Variants in PSMB5 observed in about 807,000 individuals in gnomAD.
PSMB5 encodes proteasome 20S subunit beta 5.
In PSMB5, 2 loss-of-function variants were observed where a neutral mutation model predicts 22.8. That is an observed-to-expected ratio of 0.09 (90% CI 0.04 to 0.28). The LOEUF is 0.28. Ranked by LOEUF, PSMB5 falls within the 10% of genes least tolerant of loss-of-function variation. The pLI is 1.00. For synonymous variants in PSMB5, 133 were observed against 135.3 expected, an observed-to-expected ratio of 0.98 and a Z score of 0.12; for missense variants, 269 against 343.8, an observed-to-expected ratio of 0.78 and a Z score of 1.72.
At chr14:23,029,787 ATT>A (rs1315280801) in intron 2 of PSMB5, among the ~76,000 whole-genome samples, 1 of 140,000 alleles carries the variant, frequency 7.1e-6, no homozygotes. Flanking sequence ...CTAATTTTGT[ATT>A]TTTTTTTTTT....
intron 2 of PSMB5, among the ~76,000 whole-genome samples, chr14:23,029,927 G>A (rs984947091): frequency 2.0e-5 from 3 of 151,982 alleles, no homozygotes; most frequent in African/African-American, 4.8e-5. Context: ...GACTACAGGC[G>A]ACCACCACCA....
rs1406958895 is a variant in PSMB5 at position 23,033,631 on chromosome 14, G to C, written c.242C>G (p.Ala81Gly). 1.2e-6 allele frequency: 2 copies of C among 1,612,922 alleles called. No individual in the cohort carries two copies. Among genetic ancestry groups the C allele is most frequent in the Non-Finnish European group, 8.5e-7 (1 of 1,179,070 alleles). Residue 81 changes from alanine (A) to glycine (G), a missense_variant, in exon 2 of 3, where the codon GCG becomes GGG. By Grantham distance (60) the Ala-to-Gly change is moderately conservative (BLOSUM62 0). Coordinates refer to ENST00000361611, the MANE Select transcript of PSMB5 (RefSeq NM_002797.5). ...CGTCTGGGAGGCAATGTAAGCACCC[G>C]CTGTAGCCCTGGAGTCAGCTGCAAC... ...VIVAADSRAT[A>G]GAYIASQTVK...
intron 2 of PSMB5, among the ~76,000 whole-genome samples, chr14:23,031,205 C>CTCT (rs2046950548): frequency 6.6e-6 from 1 of 152,184 alleles, no homozygotes; most frequent in Non-Finnish European, 1.5e-5. Flanking sequence ...GGTCCCTGTA[C>CTCT]TCTTTTACAC....
chr14:23,029,831 G>T (rs1307860503), intron 2 of PSMB5, among the ~76,000 whole-genome samples: 2 of 151,706 alleles, frequency 1.3e-5, no homozygotes, highest in Non-Finnish European at 2.9e-5. Flanking sequence ...GCCCAGTCTG[G>T]AGTGCAGTGG....
intron 2 of PSMB5, among the ~76,000 whole-genome samples, chr14:23,026,928 C>T (rs1034543333): frequency 1.1e-4 from 17 of 149,090 alleles, no homozygotes; most frequent in Non-Finnish European, 1.8e-4. Flanking sequence ...ACTAAAAATA[C>T]AAAATTTGCC....
At chr14:23,032,063 G>A (rs542936834) in intron 2 of PSMB5, among the ~76,000 whole-genome samples, 114 of 151,796 alleles carry the variant, frequency 7.5e-4, no homozygotes, top group African/African-American at 2.5e-3. Context: ...CACTCCAGTC[G>A]GGGCGACAGA....
intron 2 of PSMB5, among the ~76,000 whole-genome samples, chr14:23,027,068 G>A (rs1195480969): frequency 7.7e-6 from 1 of 129,088 alleles, no homozygotes; most frequent in African/African-American, 2.9e-5. Flanking sequence ...GGCAACAAGA[G>A]TGAAACGCTG....
chr14:23,034,502 A>T, intron 1 of PSMB5, 182 bp downstream of exon 1: 1 of 707,986 alleles, frequency 1.4e-6, no homozygotes, highest in Non-Finnish European at 2.3e-6. Context: ...ACCCTTTCCA[A>T]CCAGAGCAAA....
At chr14:23,034,069 G>A (rs1249862933) in intron 1 of PSMB5, among the ~76,000 whole-genome samples, 1 of 151,376 alleles carries the variant, frequency 6.6e-6, no homozygotes, top group Non-Finnish European at 1.5e-5. Context: ...TACTCTGGAG[G>A]CTGAGGCGCT....
chr14:23,026,326 G>C lies in PSMB5; in HGVS notation c.555C>G (p.Phe185Leu), dbSNP rs779779692. Residue 185 changes from phenylalanine to leucine, a missense_variant, in exon 3 of 3, where the codon TTC becomes TTG. Transcript: ENST00000361611. ...CATACACAGAGCCAGAACCTACAGA[G>C]AAGGTGGCCCCTGAAATCCGGTTCC... ...SEGNRISGAT[F>L]SVGSGSVYAY... 3.7e-6 allele frequency: 6 copies of C among 1,614,108 alleles called. No homozygotes were observed. Among genetic ancestry groups the C allele is most frequent in the East Asian group, 2.2e-5 (1 of 44,882 alleles).
chr14:23,034,516 AGGG>A, intron 1 of PSMB5, 165 bp downstream of exon 1: 2 of 759,556 alleles, frequency 2.6e-6, no homozygotes, highest in Non-Finnish European at 2.1e-6. Flanking sequence ...GAGCAAAGAC[AGGG>A]GCCTCCTGGG....
intron 1 of PSMB5, among the ~76,000 whole-genome samples, chr14:23,034,125 CAA>C (rs56294105): frequency 2.0e-4 from 19 of 93,508 alleles, no homozygotes; most frequent in Non-Finnish European, 2.4e-4. Context: ...AGCCCTGTTT[CAA>C]AAAAAAAAAA....
At chr14:23,032,470 C>G (rs1195744321) in intron 2 of PSMB5, among the ~76,000 whole-genome samples, 2 of 152,044 alleles carry the variant, frequency 1.3e-5, no homozygotes, top group Admixed American at 6.6e-5. Context: ...AAGAAAAAAA[C>G]AGAAGAGAAA....
At chr14:23,030,023 C>T (rs1303093576) in intron 2 of PSMB5, among the ~76,000 whole-genome samples, 17 of 151,824 alleles carry the variant, frequency 1.1e-4, no homozygotes, top group African/African-American at 3.9e-4. Flanking sequence ...CCTCGTGATC[C>T]GCCCGCCTCG....
chr14:23,027,793 C>A, intron 2 of PSMB5: 1 of 1,548,398 alleles, frequency 6.5e-7, no homozygotes, highest in Middle Eastern at 1.7e-4. Flanking sequence ...CAAGTACATT[C>A]CAAATGACTT....
intron 2 of PSMB5, 148 bp downstream of exon 2, chr14:23,033,220 A>T: frequency 1.2e-6 from 1 of 869,140 alleles, no homozygotes; most frequent in Non-Finnish European, 1.7e-6. Flanking sequence ...GTCTAAAAAA[A>T]CAGGAAAAAA....
In PSMB5 at chr14:23,033,517, G is replaced by C. The variant is rs1317184637; in HGVS notation, c.356C>G (p.Ala119Gly). Reference sequence around the variant, plus strand: ...AAGCTCATAGATTCGACATTGCCGAGCCAACAGCCGTTCCCAGAAGCTGCA... The same window carrying C: ...AAGCTCATAGATTCGACATTGCCGACCCAACAGCCGTTCCCAGAAGCTGCA... Reference protein sequence around the residue: ...ADCSFWERLLARQCRIYELRN... With the variant: ...ADCSFWERLLGRQCRIYELRN... The change falls in exon 2 of 3, where the codon GCT becomes GGT. Residue 119 changes from alanine to glycine, a missense_variant. Around this residue, in one of 3 missense-constraint regions of PSMB5, gnomAD observed 75 missense variants for 143.2 expected, o/e 0.52. Transcript: ENST00000361611. 1.2e-6 allele frequency: 2 copies of C among 1,613,982 alleles called. No individual in the cohort carries two copies. Among genetic ancestry groups the C allele is most frequent in the African/African-American group, 2.7e-5 (2 of 74,888 alleles).
intron 2 of PSMB5, among the ~76,000 whole-genome samples, chr14:23,029,453 A>C (rs1360017634): frequency 6.6e-6 from 1 of 152,154 alleles, no homozygotes; most frequent in Non-Finnish European, 1.5e-5. Flanking sequence ...AACCACCACC[A>C]ATCCATGAAG....
intron 2 of PSMB5, among the ~76,000 whole-genome samples, chr14:23,026,976 G>A (rs2046918772): frequency 2.0e-5 from 3 of 151,724 alleles, no homozygotes; most frequent in African/African-American, 7.3e-5. Flanking sequence ...CAGCTACTCA[G>A]GAGGCTGATG....
Sources: gnomAD v4.1 joint callset for allele counts (sites outside exome capture counted in the v4.1 genomes callset) on GRCh38, gnomAD v4.1.1 for gene constraint, gnomAD v4.1.1 regional missense constraint, MANE v1.5 for transcripts, NCBI Gene and HGNC (gene_info 2026-07-23, HGNC 2026-07-21) for gene names.